Variants in PDE11A observed in about 807,000 individuals in gnomAD.
PDE11A encodes dual 3',5'-cyclic-AMP and -GMP phosphodiesterase 11A.
In PDE11A, 100 loss-of-function variants were observed where a neutral mutation model predicts 100.5. The ratio of observed to expected loss-of-function variants is 1.00; its 90% CI spans 0.85 to 1.18. PDE11A has a LOEUF of 1.18. PDE11A is among the 50% of genes most tolerant of loss of function. The pLI, the probability that PDE11A is intolerant of heterozygous loss-of-function variation, is 0.00. For synonymous variants in PDE11A, 381 were observed against 420.8 expected (o/e 0.91, Z 1.16); for missense variants, 1,141 against 1,152.6 (o/e 0.99, Z 0.15).
chr2:177,923,622 G>C (rs1468691164), intron 2 of PDE11A, among the ~76,000 whole-genome samples: 1 of 152,182 alleles, frequency 6.6e-6, no homozygotes, highest in Non-Finnish European at 1.5e-5. Flanking sequence ...ATTGAGCTTT[G>C]AGTAGAGCTT....
chr2:178,015,025 C>T (rs1342704797), intron 1 of PDE11A, among the ~76,000 whole-genome samples: 8 of 151,936 alleles, frequency 5.3e-5, no homozygotes, highest in Admixed American at 1.3e-4. Context: ...TTGCAACTAC[C>T]TATATAATTA....
intron 2 of PDE11A, among the ~76,000 whole-genome samples, chr2:178,088,065 C>A (rs1168696942): frequency 1.3e-5 from 2 of 152,148 alleles, no homozygotes; most frequent in East Asian, 1.9e-4. Context: ...TTTCATGCAA[C>A]CCCTGACTCA....
At chr2:177,744,918 T>C (rs745757878) in intron 10 of PDE11A, among the ~76,000 whole-genome samples, 1 of 152,218 alleles carries the variant, frequency 6.6e-6, no homozygotes, top group Non-Finnish European at 1.5e-5. Context: ...GGCTTCTACT[T>C]CAGCCTGAAT....
intron 1 of PDE11A, among the ~76,000 whole-genome samples, chr2:178,029,082 A>T (rs891026839): frequency 6.6e-6 from 1 of 152,186 alleles, no homozygotes; most frequent in African/African-American, 2.4e-5. Context: ...TATAGGCATC[A>T]TTGGATATTG....
intron 5 of PDE11A, among the ~76,000 whole-genome samples, chr2:177,847,022 A>AT (rs1381951763): frequency 1.3e-5 from 2 of 152,240 alleles, no homozygotes; most frequent in East Asian, 3.9e-4. Flanking sequence ...AATAGTTAAC[A>AT]TGTCACCCAT....
At chr2:177,640,382 G>C (rs1261361675) in intron 19 of PDE11A, among the ~76,000 whole-genome samples, 1 of 152,166 alleles carries the variant, frequency 6.6e-6, no homozygotes, top group Non-Finnish European at 1.5e-5. Flanking sequence ...ATGACCAACT[G>C]TTATCATCTC....
At chr2:177,994,508 C>T (rs1192505919) in intron 2 of PDE11A, among the ~76,000 whole-genome samples, 2 of 152,164 alleles carry the variant, frequency 1.3e-5, no homozygotes, top group Admixed American at 1.3e-4. Flanking sequence ...GAAGGATCAC[C>T]TTCCAGGTGA....
At chr2:178,021,613 T>C (rs35797524) in intron 1 of PDE11A, among the ~76,000 whole-genome samples, 8,463 of 152,212 alleles carry the variant, frequency 0.056, 296 homozygotes, top group South Asian at 0.092. Context: ...AATTAAAAAA[T>C]AGATTTAACT....
chr2:177,745,195 T>C (rs1478391771), intron 10 of PDE11A, among the ~76,000 whole-genome samples: 1 of 152,136 alleles, frequency 6.6e-6, no homozygotes, highest in Non-Finnish European at 1.5e-5. Flanking sequence ...AATCATGGCA[T>C]GAAAGAGAGA....
rs1314851423 is a variant in PDE11A, at chr2:177,627,679, C to T, written c.*1728G>A. 1 of 152,082 alleles carries T rather than the reference C, an allele frequency of 6.6e-6. No individual in the cohort carries two copies. The highest frequency in any genetic ancestry group is 2.4e-5 in the African/African-American group (1 of 41,410). 9.4% of individuals were successfully genotyped at this position (152,082 alleles called of 1,614,324 possible). ...TGGCAAACATGGTGAAACCCTGTGT[C>T]TACTAAAAGTACAAAAATTAGCCAG... is the stretch of plus-strand genomic sequence containing the variant. On this transcript the variant is annotated 3_prime_UTR_variant, in exon 20 of 20. Transcript: ENST00000286063.
At chr2:177,888,896 A>C (rs1481954586) in intron 4 of PDE11A, 1 of 152,248 alleles carries the variant, frequency 6.6e-6, no homozygotes, top group Non-Finnish European at 1.5e-5. Context: ...GGGAACCAGC[A>C]CCATTGTTAT....
At chr2:177,812,105 A>T (rs1046155434) in intron 9 of PDE11A, among the ~76,000 whole-genome samples, 1 of 152,118 alleles carries the variant, frequency 6.6e-6, no homozygotes, top group Non-Finnish European at 1.5e-5. Context: ...GTAACTAAAC[A>T]CTCTTTCTAA....
chr2:177,872,800 C>A (rs763146605), intron 5 of PDE11A, among the ~76,000 whole-genome samples: 2 of 152,062 alleles, frequency 1.3e-5, no homozygotes, highest in Non-Finnish European at 2.9e-5. Context: ...AATGTCCCTT[C>A]CATGTCACTG....
At chr2:178,021,826 C>T (rs1401213031) in intron 1 of PDE11A, among the ~76,000 whole-genome samples, 1 of 152,020 alleles carries the variant, frequency 6.6e-6, no homozygotes, top group Non-Finnish European at 1.5e-5. Flanking sequence ...AAGGGAGTGT[C>T]CCAGAAAGAG....
At chr2:178,065,903 A>C in intron 1 of PDE11A, among the ~76,000 whole-genome samples, 1 of 152,120 alleles carries the variant, frequency 6.6e-6, no homozygotes, top group South Asian at 2.1e-4. Context: ...AGATTATTCC[A>C]AAAAGAAAAC....
chr2:177,762,346 T>G (rs148713695), intron 10 of PDE11A, among the ~76,000 whole-genome samples: 1 of 152,326 alleles, frequency 6.6e-6, no homozygotes, highest in Non-Finnish European at 1.5e-5. Flanking sequence ...CTACGTGTTC[T>G]TCATTTCCTG....
At chr2:177,942,984 A>C (rs2085362630) in intron 2 of PDE11A, among the ~76,000 whole-genome samples, 1 of 152,128 alleles carries the variant, frequency 6.6e-6, no homozygotes, top group African/African-American at 2.4e-5. Flanking sequence ...TCTTTTGGTG[A>C]CTGTCTTATT....
intron 5 of PDE11A, among the ~76,000 whole-genome samples, chr2:177,853,870 A>G (rs972860507): frequency 6.9e-5 from 10 of 145,330 alleles, no homozygotes; most frequent in Non-Finnish European, 1.0e-4. Context: ...CTATATATGT[A>G]TATAGATATC....
At chr2:177,934,807 A>C (rs985578218) in intron 2 of PDE11A, among the ~76,000 whole-genome samples, 1 of 152,232 alleles carries the variant, frequency 6.6e-6, no homozygotes, top group Non-Finnish European at 1.5e-5. Flanking sequence ...TGCAGCCATA[A>C]AAGAGGGTGA....
Sources: allele counts gnomAD v4.1 joint callset (sites outside exome capture counted in the v4.1 genomes callset), GRCh38; gene constraint gnomAD v4.1.1; transcripts MANE v1.5; gene names NCBI Gene and HGNC (gene_info 2026-07-23, HGNC 2026-07-21).